NTNG2: variants seen among roughly 807,000 people sequenced by gnomAD.
NTNG2 encodes netrin G2.
Under a neutral mutation model 47.6 loss-of-function variants are expected in NTNG2, and 15 were observed. That is an observed-to-expected ratio of 0.32 (90% CI 0.21 to 0.49). The LOEUF (loss-of-function observed/expected upper bound fraction) is 0.49, where lower values mean the gene tolerates loss of function less well. NTNG2 is among the 20% of genes least tolerant of loss of function. The pLI is 0.99. For missense variants in NTNG2, 578 were observed against 764.6 expected (o/e 0.76, Z 2.88); for synonymous variants, 307 against 324.6 (o/e 0.95, Z 0.58).
chr9:132,207,398 C>T (rs112554179), intron 3 of NTNG2, among the ~76,000 whole-genome samples: 9 of 152,204 alleles, frequency 5.9e-5, no homozygotes, highest in Non-Finnish European at 1.0e-4. Flanking sequence ...CAGCCTCTGG[C>T]GTTCCTGGGC....
chr9:132,193,897 C>T (rs1437785642), intron 2 of NTNG2, among the ~76,000 whole-genome samples: 2 of 152,122 alleles, frequency 1.3e-5, no homozygotes, highest in Non-Finnish European at 2.9e-5. Flanking sequence ...TGGAGCCAGC[C>T]GCCTTCTCAC....
rs1554790515 is a variant in NTNG2, at chr9:132,216,414, C to CTCTGTGTGTG, written c.858-10434_858-10433insCTGTGTGTGT. Among the ~76,000 whole-genome samples, 4 of 110,334 alleles carry CTCTGTGTGTG rather than the reference C, an allele frequency of 3.6e-5. No homozygotes were observed. In the East Asian group the frequency reaches 7.7e-4, roughly 21 times the overall value. The allele number at this position is 110,334 out of a possible 152,430, so 72.4% of individuals were successfully genotyped here. A position where few individuals can be genotyped will look rare whatever the true frequency, so the allele number is the denominator to read the frequency against. ...TCTCTCTCTCTCTCTCTCTCTCTCT[C>CTCTGTGTGTG]TGTGTGTGTGTGTATGTGTGTGTGT... On this transcript the variant is annotated intron_variant, in intron 3 of 7. Coordinates refer to ENST00000393229, the MANE Select transcript of NTNG2 (RefSeq NM_032536.4).
At position 132,231,148 on chromosome 9, in the gene NTNG2, G is replaced by A. The variant is rs548573312; in HGVS notation, c.1054+553G>A. The A allele has an allele frequency of 1.3e-5, 5 of 377,638 alleles. No individual in the cohort carries two copies. In the East Asian group the frequency reaches 3.1e-4, roughly 23 times the overall value. 23.4% of individuals were successfully genotyped at this position (377,638 alleles called of 1,614,324 possible). A position where few individuals can be genotyped will look rare whatever the true frequency, so the allele number is the denominator to read the frequency against. Reference sequence around the variant, plus strand: ...GTCAGCTCAGGTCCCAGGGGAGTCGGACCAGGGAGGGGCATCTGCAGGAGG... The same window carrying A: ...GTCAGCTCAGGTCCCAGGGGAGTCGAACCAGGGAGGGGCATCTGCAGGAGG... On this transcript the variant is annotated intron_variant, in intron 5 of 7. Transcript: ENST00000393229. This position sits in a 1 kb window ranked among gnomAD's most constrained non-coding sequence, Gnocchi z 4.1.
intron 5 of NTNG2, among the ~76,000 whole-genome samples, chr9:132,237,322 C>G (rs948181167): frequency 2.0e-5 from 3 of 152,182 alleles, no homozygotes; most frequent in Non-Finnish European, 4.4e-5. Context: ...GGCTGCCTGC[C>G]CTAGAGCTGG....
At chr9:132,216,772 A>G (rs1840026033) in intron 3 of NTNG2, among the ~76,000 whole-genome samples, 2 of 152,168 alleles carry the variant, frequency 1.3e-5, no homozygotes, top group Admixed American at 1.3e-4. Context: ...AAGGGGAAAT[A>G]TCTGGGCTGG....
intron 2 of NTNG2, among the ~76,000 whole-genome samples, chr9:132,174,740 G>A (rs1252373157): frequency 1.3e-5 from 2 of 151,976 alleles, no homozygotes; most frequent in Non-Finnish European, 2.9e-5. Flanking sequence ...TGGCCAACAT[G>A]GGGAAACCCC....
intron 3 of NTNG2, among the ~76,000 whole-genome samples, chr9:132,216,414 CTGTGTGTGTGTGTATGTGTGTGTGTG>C (rs1454866286): frequency 6.3e-5 from 7 of 110,288 alleles, no homozygotes; most frequent in East Asian, 2.5e-4. Flanking sequence ...CTCTCTCTCT[CTGTGTGTGTGTGTATGTGTGTGTGTG>C]TGTGTGTGTG....
intron 2 of NTNG2, among the ~76,000 whole-genome samples, chr9:132,177,028 C>T (rs983859523): frequency 7.2e-5 from 11 of 152,194 alleles, no homozygotes; most frequent in Admixed American, 3.9e-4. Context: ...CTCATTCTGT[C>T]ACCTGGGCTG....
chr9:132,240,088 T>C (rs998396367), intron 6 of NTNG2, among the ~76,000 whole-genome samples: 16 of 152,132 alleles, frequency 1.1e-4, no homozygotes, highest in Non-Finnish European at 2.1e-4. Context: ...TCAGGGGCTG[T>C]CCCCCAACCC....
At chr9:132,235,638 TCTTCC>T (rs1177386307) in intron 5 of NTNG2, among the ~76,000 whole-genome samples, 1 of 152,166 alleles carries the variant, frequency 6.6e-6, no homozygotes, top group East Asian at 1.9e-4. Flanking sequence ...TTTCTTCTCT[TCTTCC>T]CCCCAAGAGT....
intron 3 of NTNG2, among the ~76,000 whole-genome samples, chr9:132,203,395 A>C (rs2130774093): frequency 6.6e-6 from 1 of 152,132 alleles, no homozygotes; most frequent in South Asian, 2.1e-4. Context: ...AGAAGAAGAT[A>C]ATGTACATGG....
At chr9:132,237,981 G>C (rs1419498868) in intron 5 of NTNG2, among the ~76,000 whole-genome samples, 1 of 152,210 alleles carries the variant, frequency 6.6e-6, no homozygotes. Context: ...CTGGGCACAG[G>C]CTGTTTCTCT....
chr9:132,173,975 C>T (rs1021410398), intron 2 of NTNG2, among the ~76,000 whole-genome samples: 1 of 146,136 alleles, frequency 6.8e-6, no homozygotes, highest in Non-Finnish European at 1.5e-5. Context: ...GACAGACGAA[C>T]AGACAGGCAG....
At chr9:132,206,681 A>G (rs1839191941) in intron 3 of NTNG2, among the ~76,000 whole-genome samples, 1 of 152,258 alleles carries the variant, frequency 6.6e-6, no homozygotes, top group South Asian at 2.1e-4. Context: ...AAATAAATAA[A>G]TAAATAAAAT....
Position 132,242,188 on chromosome 9 carries a change from C to A in NTNG2, c.*77C>A. 2.8e-6 allele frequency: 2 copies of A among 706,184 alleles called. No individual in the cohort carries two copies. The highest frequency in any genetic ancestry group is 3.6e-6 in the Non-Finnish European group (2 of 560,164). The allele number at this position is 706,184 out of a possible 1,614,324, so 43.7% of individuals were successfully genotyped here. On this transcript the variant is annotated 3_prime_UTR_variant, in exon 8 of 8. Transcript: ENST00000393229. This position sits in a 1 kb window ranked among gnomAD's most constrained non-coding sequence, Gnocchi z 5.9. ...CCGGGGCGGGGCCGGCGTCCGAGGC[C>A]GGGCGGTGAGAAGGGTGCGGCCCGA...
Position 132,216,412 on chromosome 9 carries a change from CTCTGTGTGTGTGTGTATGTGTG to C in NTNG2, c.858-10435_858-10414del, listed in dbSNP as rs1419036272. On this transcript the variant is annotated intron_variant, in intron 3 of 7. Coordinates refer to ENST00000393229, the MANE Select transcript of NTNG2 (RefSeq NM_032536.4). ...TCTCTCTCTCTCTCTCTCTCTCTCT[CTCTGTGTGTGTGTGTATGTGTG>C]TGTGTGTGTGTGTGTGTGTGTGTGT... is the stretch of plus-strand genomic sequence containing the variant. Among the ~76,000 whole-genome samples the C allele has an allele frequency of 3.9e-3, 359 of 91,042 alleles. 6 individuals are homozygous for C. In the South Asian group the frequency reaches 0.061, roughly 16 times the overall value. 59.7% of individuals were successfully genotyped at this position (91,042 alleles called of 152,430 possible). A position where few individuals can be genotyped will look rare whatever the true frequency, so the allele number is the denominator to read the frequency against.
chr9:132,212,872 C>A (rs1329282047), intron 3 of NTNG2, among the ~76,000 whole-genome samples: 1 of 152,154 alleles, frequency 6.6e-6, no homozygotes, highest in African/African-American at 2.4e-5. Flanking sequence ...TTTGTTTCTT[C>A]TCTGGCTGCT....
Position 132,230,731 on chromosome 9 carries a change from T to A in NTNG2, c.1054+136T>A, listed in dbSNP as rs1005598817. ...TGGGCCTATTCACTCCCTCCTCTAA[T>A]TACACCCCATCTGCTTCTCCACCTC... On this transcript the variant is annotated intron_variant, in intron 5 of 7. Transcript: ENST00000393229. 12 of 826,598 alleles carry A rather than the reference T, an allele frequency of 1.5e-5. No individual in the cohort carries two copies. In the South Asian group the frequency reaches 1.6e-4, roughly 11 times the overall value. The allele number at this position is 826,598 out of a possible 1,614,324, so 51.2% of individuals were successfully genotyped here.
intron 2 of NTNG2, among the ~76,000 whole-genome samples, chr9:132,186,398 A>G (rs993192649): frequency 5.3e-5 from 8 of 152,200 alleles, no homozygotes; most frequent in African/African-American, 1.7e-4. Flanking sequence ...TAAGAAAACA[A>G]TAATACATTT....
Sources: gnomAD v4.1 joint callset for allele counts (sites outside exome capture counted in the v4.1 genomes callset) on GRCh38, gnomAD v4.1.1 for gene constraint, Gnocchi (gnomAD v3.1) non-coding constraint, MANE v1.5 for transcripts, NCBI Gene and HGNC (gene_info 2026-07-23, HGNC 2026-07-21) for gene names.